The following BBS9 variants were observed in gnomAD, a reference collection of about 807,000 sequenced individuals.
The protein encoded by BBS9 is Bardet-Biedl syndrome 9, also known as protein PTHB1.
In BBS9, 89 loss-of-function variants were observed where a neutral mutation model predicts 117.7. That is an observed-to-expected ratio of 0.76 (90% CI 0.64 to 0.90). BBS9 has a LOEUF of 0.90. BBS9 is among the 40% of genes least tolerant of loss of function. The pLI, the probability that BBS9 is intolerant of heterozygous loss-of-function variation, is 0.00. For missense variants in BBS9, 982 were observed against 1,042.2 expected, an observed-to-expected ratio of 0.94 and a Z score of 0.80; for synonymous variants, 379 against 370.9, an observed-to-expected ratio of 1.02 and a Z score of -0.25.
At chr7:33,437,801 G>T (rs1185684012) in intron 19 of BBS9, among the ~76,000 whole-genome samples, 1 of 152,052 alleles carries the variant, frequency 6.6e-6, no homozygotes, top group East Asian at 1.9e-4. Flanking sequence ...GCTTGAACCC[G>T]GGAGGCAGAG....
intron 19 of BBS9, among the ~76,000 whole-genome samples, chr7:33,496,572 G>A (rs1844748913): frequency 6.6e-6 from 1 of 152,022 alleles, no homozygotes; most frequent in African/African-American, 2.4e-5. Flanking sequence ...ATGTTAAAGG[G>A]GAGTCTCAGG....
At chr7:33,310,482 A>G (rs867694879) in intron 9 of BBS9, among the ~76,000 whole-genome samples, 32 of 152,346 alleles carry the variant, frequency 2.1e-4, no homozygotes, top group South Asian at 4.1e-4. Context: ...TGGGCCATGG[A>G]TAGGATGACA....
intron 15 of BBS9, among the ~76,000 whole-genome samples, chr7:33,353,288 CTG>C (rs1819011086): frequency 6.6e-6 from 1 of 152,156 alleles, no homozygotes; most frequent in African/African-American, 2.4e-5. Context: ...ATTCACCTCT[CTG>C]TGATAAGAAT....
At chr7:33,420,223 T>G (rs1832652475) in intron 19 of BBS9, among the ~76,000 whole-genome samples, 1 of 152,154 alleles carries the variant, frequency 6.6e-6, no homozygotes, top group Non-Finnish European at 1.5e-5. Context: ...TGAACCTCAT[T>G]TTTATCTTCT....
rs138072724 is a variant in BBS9, at chr7:33,344,585, C to T, written c.1280C>T (p.Ala427Val). Residue 427 changes from alanine to valine, a missense_variant, in exon 12 of 23, where the codon GCG becomes GTG. Physicochemically the swap from Ala to Val is moderately conservative, Grantham distance 64. Transcript: ENST00000242067. The stretch of plus-strand genomic sequence containing the variant: ...TTCTCAATTCTGTGTTTACAGCAAG[C>T]GACCGATGTTGAGGTGGGAACTGAC... ...VSPNFDSVSQ[A>V]TDVEVGTDLV... 11,691 of 1,613,792 alleles carry T rather than the reference C, an allele frequency of 7.2e-3. 67 individuals are homozygous for T. The highest frequency in any genetic ancestry group is 8.8e-3 in the Non-Finnish European group (10,332 of 1,179,744).
Position 33,375,777 on chromosome 7 carries a change from A to C in BBS9, c.1790-7889A>C, listed in dbSNP as rs367868464. ...CAGCTAATTATTTTGTATATTAGTA[A>C]AGATGGGATTTCACGCCCAGGCTGG... On this transcript the variant is annotated intron_variant, in intron 17 of 22. Coordinates refer to ENST00000242067, the MANE Select transcript of BBS9 (RefSeq NM_198428.3). Among the ~76,000 whole-genome samples, 16 of 151,922 alleles carry C rather than the reference A, an allele frequency of 1.1e-4. No homozygotes were observed. In the South Asian group the frequency reaches 3.3e-3, roughly 32 times the overall value.
chr7:33,451,928 G>T (rs1207715740), intron 19 of BBS9, among the ~76,000 whole-genome samples: 1 of 152,080 alleles, frequency 6.6e-6, no homozygotes, highest in Admixed American at 6.5e-5. Context: ...TTACCTCTTG[G>T]GTTCAAGCAA....
At chr7:33,480,672 G>A (rs1007902435) in intron 19 of BBS9, among the ~76,000 whole-genome samples, 11 of 152,162 alleles carry the variant, frequency 7.2e-5, no homozygotes, top group Non-Finnish European at 1.5e-4. Context: ...CAGGGCTGGT[G>A]TGTATATTGT....
At chr7:33,564,504 A>G (rs1349502178) in intron 21 of BBS9, among the ~76,000 whole-genome samples, 1 of 152,222 alleles carries the variant, frequency 6.6e-6, no homozygotes, top group African/African-American at 2.4e-5. Context: ...GATCAAGATA[A>G]TGCATGGAAG....
intron 20 of BBS9, among the ~76,000 whole-genome samples, chr7:33,513,897 T>A (rs532314851): frequency 6.6e-6 from 1 of 152,308 alleles, no homozygotes; most frequent in Admixed American, 6.5e-5. Context: ...ACCCACTTAT[T>A]TGTGATATGG....
intron 9 of BBS9, among the ~76,000 whole-genome samples, chr7:33,305,490 T>C (rs921941162): frequency 3.9e-5 from 6 of 152,230 alleles, no homozygotes; most frequent in African/African-American, 1.4e-4. Context: ...GGATTGTTAT[T>C]ACTTCCTTAA....
intron 4 of BBS9, among the ~76,000 whole-genome samples, chr7:33,171,562 A>T (rs572405122): frequency 1.3e-5 from 2 of 152,228 alleles, no homozygotes; most frequent in African/African-American, 2.4e-5. Flanking sequence ...CTAATTTTAT[A>T]TCAGTATTTG....
At chr7:33,296,703 T>G (rs1351317461) in intron 9 of BBS9, among the ~76,000 whole-genome samples, 3 of 152,184 alleles carry the variant, frequency 2.0e-5, no homozygotes, top group Non-Finnish European at 4.4e-5. Flanking sequence ...GACTTGTGTT[T>G]CTTTCCAACA....
chr7:33,184,409 T>C (rs4723273), intron 5 of BBS9, among the ~76,000 whole-genome samples: 81,174 of 151,718 alleles, frequency 0.54, 21,949 homozygotes, highest in East Asian at 0.67. Flanking sequence ...AAGAAAATAG[T>C]GGTTAACATC....
rs574035422 is a variant in BBS9, at chr7:33,559,396, A to AT, written c.2521+25228dup. Among the ~76,000 whole-genome samples, 143 of 152,048 alleles carry AT rather than the reference A, an allele frequency of 9.4e-4. 2 individuals are homozygous for AT. Among genetic ancestry groups the AT allele is most frequent in the African/African-American group, 3.2e-3 (134 of 41,464 alleles). Reference sequence around the variant, plus strand: ...TTAAGAATGGAGTTAGCCAACGATGATTTTTTTTCTTTAAGAAATATAACC... The same window carrying AT: ...TTAAGAATGGAGTTAGCCAACGATGATTTTTTTTTCTTTAAGAAATATAACC... On this transcript the variant is annotated intron_variant, in intron 21 of 22. Transcript: ENST00000242067.
intron 19 of BBS9, among the ~76,000 whole-genome samples, chr7:33,497,716 T>C (rs1486477767): frequency 6.6e-6 from 1 of 152,144 alleles, no homozygotes; most frequent in East Asian, 1.9e-4. Context: ...AAATCCAACG[T>C]TGAGTAACTT....
chr7:33,329,463 C>A (rs972690287), intron 9 of BBS9, among the ~76,000 whole-genome samples: 5 of 152,120 alleles, frequency 3.3e-5, no homozygotes, highest in Middle Eastern at 3.4e-3. Flanking sequence ...ATAAAATGTA[C>A]ATGCAGTATT....
rs766677015 is a variant in BBS9, at chr7:33,596,395, A to ATCTATCTATCTATC, written c.2522-8469_2522-8468insCTATCTATCTATCT. Reference sequence around the variant, plus strand: ...TCTATCTATCTATCTATCTATCTATATATAATTAGTCAAAAAAATTCCCAC... The same window carrying ATCTATCTATCTATC: ...TCTATCTATCTATCTATCTATCTATATCTATCTATCTATCTATAATTAGTCAAAAAAATTCCCAC... On this transcript the variant is annotated intron_variant, in intron 21 of 22. Coordinates refer to ENST00000242067, the MANE Select transcript of BBS9 (RefSeq NM_198428.3). Among the ~76,000 whole-genome samples the ATCTATCTATCTATC allele has an allele frequency of 4.8e-4, 40 of 82,546 alleles. 1 individual carries two copies. Among genetic ancestry groups the ATCTATCTATCTATC allele is most frequent in the African/African-American group, 1.7e-3 (31 of 17,994 alleles). The allele number at this position is 82,546 out of a possible 152,430, so 54.2% of individuals were successfully genotyped here.
At chr7:33,193,713 T>C (rs1367956222) in intron 5 of BBS9, among the ~76,000 whole-genome samples, 2 of 152,216 alleles carry the variant, frequency 1.3e-5, no homozygotes, top group Non-Finnish European at 1.5e-5. Context: ...GCAGCCTTAC[T>C]GTAGGATTTG....
Sources: gnomAD v4.1 joint callset for allele counts (sites outside exome capture counted in the v4.1 genomes callset) on GRCh38, gnomAD v4.1.1 for gene constraint, MANE v1.5 for transcripts, NCBI Gene and HGNC (gene_info 2026-07-23, HGNC 2026-07-21) for gene names.